The following UBR2 variants were observed in gnomAD, a reference collection of about 807,000 sequenced individuals.
UBR2 encodes the protein ubiquitin protein ligase E3 component n-recognin 2, also known as E3 ubiquitin-protein ligase UBR2.
A neutral mutation model predicts 247.9 loss-of-function variants in UBR2; 92 were observed. That is an observed-to-expected ratio of 0.37 (90% CI 0.31 to 0.44). The LOEUF is 0.44. Among genes scored for constraint, UBR2 ranks in the 20% least tolerant of loss-of-function variants. UBR2 has a pLI of 1.00. For missense variants in UBR2, 1,613 were observed against 2,112.6 expected (o/e 0.76, Z 4.64); for synonymous variants, 672 against 693.5 (o/e 0.97, Z 0.49).
intron 11 of UBR2, among the ~76,000 whole-genome samples, chr6:42,621,980 A>G (rs574859195): frequency 1.6e-4 from 24 of 152,038 alleles, no homozygotes; most frequent in African/African-American, 4.6e-4. Context: ...ATTTCTTTCA[A>G]TACTTTATAG....
chr6:42,688,772 G>A (rs1799592264), intron 45 of UBR2, among the ~76,000 whole-genome samples: 1 of 152,180 alleles, frequency 6.6e-6, no homozygotes, highest in East Asian at 1.9e-4. Flanking sequence ...ATGCCAGCTT[G>A]TGATTAGTGA....
chr6:42,680,946 G>A (rs1413967088), intron 42 of UBR2, among the ~76,000 whole-genome samples: 5 of 152,082 alleles, frequency 3.3e-5, no homozygotes, highest in Non-Finnish European at 7.4e-5. Flanking sequence ...GGCGGATCAC[G>A]AGGTCAGGAG....
intron 11 of UBR2, among the ~76,000 whole-genome samples, chr6:42,623,686 G>A (rs1416767391): frequency 2.0e-5 from 3 of 152,010 alleles, no homozygotes; most frequent in Admixed American, 6.6e-5. Flanking sequence ...TCCTGACCTC[G>A]TGATCCACCC....
In UBR2 at chr6:42,617,375, T is replaced by C. The variant is rs199675094; in HGVS notation, c.1183-34T>C. ...TTGCCTTTTCTTTGTAACTGATAGC[T>C]GGCACTCCTTGCCTTTTTTTGCCTT... On this transcript the variant is annotated intron_variant, in intron 10 of 46. Coordinates refer to ENST00000372901, the MANE Select transcript of UBR2 (RefSeq NM_001363705.2). The C allele has an allele frequency of 4.3e-4, 694 of 1,613,768 alleles. 1 individual carries two copies. The highest frequency in any genetic ancestry group is 7.8e-4 in the South Asian group (71 of 91,060).
At chr6:42,631,886 AT>A (rs1417765688) in intron 11 of UBR2, among the ~76,000 whole-genome samples, 1 of 140,050 alleles carries the variant, frequency 7.1e-6, no homozygotes. Context: ...ATATATATAT[AT>A]ATAAATACAG....
intron 4 of UBR2, among the ~76,000 whole-genome samples, chr6:42,598,289 TAAATA>T (rs1456163989): frequency 7.9e-5 from 12 of 152,240 alleles, no homozygotes; most frequent in Non-Finnish European, 1.6e-4. Context: ...TTAGTGTCCA[TAAATA>T]AAATGTTATT....
chr6:42,663,215 A>T (rs1797921215), intron 31 of UBR2, 43 bp from the exon 32 acceptor site: 4 of 1,446,338 alleles, frequency 2.8e-6, no homozygotes, highest in Non-Finnish European at 3.7e-6. Context: ...TCATTTATGT[A>T]AATTACCATT....
rs1794114646 is a variant in UBR2 at position 42,611,912 on chromosome 6, A to ATG, written c.865-259_865-258insTG. Among the ~76,000 whole-genome samples, 3 of 130,380 alleles carry ATG rather than the reference A, an allele frequency of 2.3e-5. No individual in the cohort carries two copies. In the Admixed American group the frequency reaches 2.5e-4, roughly 11 times the overall value. The allele number at this position is 130,380 out of a possible 152,430, so 85.5% of individuals were successfully genotyped here. A position where few individuals can be genotyped will look rare whatever the true frequency, so the allele number is the denominator to read the frequency against. On this transcript the variant is annotated intron_variant, in intron 7 of 46. Transcript: ENST00000372901. ...ACAGAGCGAGACTCCACCTCAAAAA[A>ATG]AGAAAAAAAAAAAAAAAAGATTCAG...
At chr6:42,640,708 T>G (rs1796391087) in intron 16 of UBR2, among the ~76,000 whole-genome samples, 1 of 152,040 alleles carries the variant, frequency 6.6e-6, no homozygotes, top group Non-Finnish European at 1.5e-5. Context: ...GTAATCTGCT[T>G]TACTCAGAGT....
intron 2 of UBR2, among the ~76,000 whole-genome samples, chr6:42,576,522 CTTTTTTTTTTTTT>C (rs58739895): frequency 2.3e-4 from 20 of 86,140 alleles, no homozygotes; most frequent in South Asian, 1.2e-3. Flanking sequence ...GCCTTTCCCT[CTTTTTTTTTTTTT>C]TTTTTTTTTT....
At chr6:42,604,992 A>C (rs1028348801) in intron 5 of UBR2, among the ~76,000 whole-genome samples, 9 of 151,874 alleles carry the variant, frequency 5.9e-5, no homozygotes, top group African/African-American at 1.9e-4. Context: ...GTGCCACTGC[A>C]CTCCAGCCTG....
chr6:42,683,048 A>T lies in UBR2; in HGVS notation c.4719-7A>T. The stretch of plus-strand genomic sequence containing the variant: ...TTTGTGTTTTTCCCCCTCTGTTTAC[A>T]TTAAAGTTGGTGCCGTAACAGTGAA... On this transcript the variant is annotated splice_region_variant and splice_polypyrimidine_tract_variant and intron_variant, in intron 42 of 46. Transcript: ENST00000372901. 6.2e-7 allele frequency: 1 copy of T among 1,612,250 alleles called. No individual in the cohort carries two copies. Among genetic ancestry groups the T allele is most frequent in the Non-Finnish European group, 8.5e-7 (1 of 1,179,332 alleles).
intron 26 of UBR2, among the ~76,000 whole-genome samples, 195 bp downstream of exon 26, chr6:42,655,918 G>T (rs1324617665): frequency 6.6e-6 from 1 of 152,008 alleles, no homozygotes; most frequent in Non-Finnish European, 1.5e-5. Context: ...AATATCTAGG[G>T]CTAAGTTCAA....
chr6:42,631,318 A>G (rs748281502), intron 11 of UBR2, among the ~76,000 whole-genome samples: 3 of 152,152 alleles, frequency 2.0e-5, no homozygotes, highest in Non-Finnish European at 2.9e-5. Flanking sequence ...TTCTGACTCT[A>G]TTAGGGCAGA....
chr6:42,643,207 A>G (rs1796544768), intron 18 of UBR2, among the ~76,000 whole-genome samples: 1 of 152,072 alleles, frequency 6.6e-6, no homozygotes, highest in African/African-American at 2.4e-5. Flanking sequence ...CATGGCAGTT[A>G]TATCTTGTTT....
chr6:42,660,237 G>A (rs559293709), intron 30 of UBR2, among the ~76,000 whole-genome samples: 23 of 152,212 alleles, frequency 1.5e-4, no homozygotes, highest in African/African-American at 5.3e-4. Context: ...GAACAGTGAT[G>A]GAGAGTTACC....
intron 2 of UBR2, among the ~76,000 whole-genome samples, chr6:42,582,269 C>T (rs1340564492): frequency 2.7e-5 from 3 of 110,832 alleles, no homozygotes; most frequent in Admixed American, 1.3e-4. Flanking sequence ...GGCAACAGGG[C>T]GAGACTCCGT....
chr6:42,666,429 G>C (rs1038451735), intron 34 of UBR2, among the ~76,000 whole-genome samples, 184 bp downstream of exon 34: 5 of 152,172 alleles, frequency 3.3e-5, no homozygotes, highest in African/African-American at 1.2e-4. Context: ...GGTGGAGGCT[G>C]CAGTGAGCCT....
chr6:42,573,099 T>G (rs757732057), intron 1 of UBR2, among the ~76,000 whole-genome samples: 2 of 152,120 alleles, frequency 1.3e-5, no homozygotes, highest in African/African-American at 2.4e-5. Context: ...CTATGAGATC[T>G]AAGTAGAATC....
Sources: allele counts gnomAD v4.1 joint callset (sites outside exome capture counted in the v4.1 genomes callset), GRCh38; gene constraint gnomAD v4.1.1; transcripts MANE v1.5; gene names NCBI Gene and HGNC (gene_info 2026-07-23, HGNC 2026-07-21).